DPH6: variants seen among roughly 807,000 people sequenced by gnomAD.
The protein encoded by DPH6 is diphthine--ammonia ligase.
In DPH6, 33 loss-of-function variants were observed where a neutral mutation model predicts 38.2. That is an observed-to-expected ratio of 0.86 (90% CI 0.65 to 1.15). DPH6 has a LOEUF of 1.15. Ranked by LOEUF, DPH6 falls within the 50% of genes most tolerant of loss-of-function variation. The probability of loss-of-function intolerance (pLI) is 0.00; values close to 1 mark genes in which losing one functional copy is unlikely to be tolerated. For synonymous variants in DPH6, 108 were observed against 103.0 expected (o/e 1.05, Z -0.30); for missense variants, 325 against 320.0 (o/e 1.02, Z -0.12).
At position 35,373,619 on chromosome 15, in the gene DPH6, A is replaced by G. The variant is rs200005936; in HGVS notation, c.663-11T>C. ...ACTTCTGATGAATCCCTGAAATACA[A>G]AAATTTTACAATACATTTATATGCT... is the stretch of plus-strand genomic sequence containing the variant. On this transcript the variant is annotated splice_polypyrimidine_tract_variant and intron_variant, in intron 7 of 8. Coordinates refer to ENST00000256538, the MANE Select transcript of DPH6 (RefSeq NM_080650.4). 1.1e-3 allele frequency: 1,731 copies of G among 1,599,744 alleles called. 2 individuals are homozygous for G. The highest frequency in any genetic ancestry group is 1.3e-3 in the Non-Finnish European group (1,575 of 1,173,176).
chr15:35,503,921 A>G (rs1181011908), intron 3 of DPH6, among the ~76,000 whole-genome samples: 2 of 152,122 alleles, frequency 1.3e-5, no homozygotes, highest in African/African-American at 4.8e-5. Context: ...TTCCGCTACG[A>G]AATACTTAAT....
chr15:35,403,681 C>A (rs540717099), intron 6 of DPH6, among the ~76,000 whole-genome samples: 1 of 151,906 alleles, frequency 6.6e-6, no homozygotes, highest in Non-Finnish European at 1.5e-5. Context: ...CTAGTTTTTT[C>A]ATATTTTTTG....
At chr15:35,360,118 A>G (rs1016236660) in intron 3 of DPH6, among the ~76,000 whole-genome samples, 1 of 152,094 alleles carries the variant, frequency 6.6e-6, no homozygotes, top group Non-Finnish European at 1.5e-5. Flanking sequence ...ATGCATCTGA[A>G]AGAGCAAACA....
intron 6 of DPH6, among the ~76,000 whole-genome samples, chr15:35,410,167 T>A (rs1414228042): frequency 6.6e-6 from 1 of 151,804 alleles, no homozygotes; most frequent in African/African-American, 2.4e-5. Flanking sequence ...GGTTCTTTCA[T>A]AGGAGATTTT....
At chr15:35,523,178 ATTATTAT>A (rs2054946441) in intron 3 of DPH6, among the ~76,000 whole-genome samples, 3 of 151,422 alleles carry the variant, frequency 2.0e-5, no homozygotes, top group Non-Finnish European at 4.4e-5. Flanking sequence ...CTTCAAAACC[ATTATTAT>A]TTCTTATTTC....
chr15:35,150,859 A>G, the DPH6 span, among the ~76,000 whole-genome samples: 5 of 152,212 alleles, frequency 3.3e-5, no homozygotes, highest in Non-Finnish European at 5.9e-5. Flanking sequence ...AATTTCCGTT[A>G]ATAATCGAAA....
chr15:35,253,643 C>T (rs562566737), intron 3 of DPH6, among the ~76,000 whole-genome samples: 1 of 152,296 alleles, frequency 6.6e-6, no homozygotes, highest in Admixed American at 6.5e-5. Flanking sequence ...TCTGCTTTCT[C>T]CCATCACTCT....
chr15:35,254,496 C>T (rs1391127763), intron 3 of DPH6, among the ~76,000 whole-genome samples: 2 of 152,106 alleles, frequency 1.3e-5, no homozygotes, highest in Non-Finnish European at 2.9e-5. Context: ...TACTTTCATT[C>T]TGGTTTTAAA....
chr15:35,283,366 G>A (rs765855241), intron 3 of DPH6, among the ~76,000 whole-genome samples: 4 of 151,216 alleles, frequency 2.6e-5, no homozygotes, highest in African/African-American at 4.9e-5. Context: ...GTGCAATTCC[G>A]GCTCACTGCA....
At chr15:35,209,334 T>C in the DPH6 span, among the ~76,000 whole-genome samples, 1 of 152,204 alleles carries the variant, frequency 6.6e-6, no homozygotes, top group Non-Finnish European at 1.5e-5. Flanking sequence ...AACTTAAAAG[T>C]CTTACTTTCT....
At chr15:35,172,836 C>T in the DPH6 span, among the ~76,000 whole-genome samples, 54 of 151,910 alleles carry the variant, frequency 3.6e-4, no homozygotes, top group Middle Eastern at 3.4e-3. Flanking sequence ...GGTCTACAGG[C>T]ATGAACCACC....
intron 3 of DPH6, among the ~76,000 whole-genome samples, chr15:35,262,579 G>A (rs914381444): frequency 4.6e-5 from 7 of 151,788 alleles, no homozygotes; most frequent in African/African-American, 7.3e-5. Context: ...GGTGGCGGGC[G>A]CCTGTAGTCC....
At chr15:35,352,891 C>T (rs2052527662) in intron 3 of DPH6, among the ~76,000 whole-genome samples, 1 of 152,164 alleles carries the variant, frequency 6.6e-6, no homozygotes, top group African/African-American at 2.4e-5. Context: ...GTTTACAGTC[C>T]CACCAACAGT....
chr15:35,193,979 G>C, the DPH6 span, among the ~76,000 whole-genome samples: 1 of 152,070 alleles, frequency 6.6e-6, no homozygotes, highest in African/African-American at 2.4e-5. Context: ...CTCTTATTCT[G>C]ATGTTTAGCT....
intron 1 of DPH6, among the ~76,000 whole-genome samples, chr15:35,543,054 A>G (rs1191866280): frequency 6.9e-6 from 1 of 145,436 alleles, no homozygotes; most frequent in Admixed American, 6.9e-5. Context: ...CACCATAAGA[A>G]ATCTAACAAA....
chr15:35,420,149 G>A (rs764536089), intron 5 of DPH6, among the ~76,000 whole-genome samples: 1 of 152,132 alleles, frequency 6.6e-6, no homozygotes, highest in Admixed American at 6.6e-5. Flanking sequence ...AAATTGAGAA[G>A]TGTGTGAAAA....
chr15:35,392,377 G>T, intron 6 of DPH6, among the ~76,000 whole-genome samples: 1 of 148,968 alleles, frequency 6.7e-6, no homozygotes. Flanking sequence ...TTTTAAATCA[G>T]TCTCACTTAT....
intron 3 of DPH6, among the ~76,000 whole-genome samples, chr15:35,490,830 A>C (rs1195746898): frequency 2.6e-5 from 4 of 152,078 alleles, no homozygotes; most frequent in Non-Finnish European, 5.9e-5. Context: ...AATATCACAG[A>C]CTGGGTGATT....
intron 3 of DPH6, among the ~76,000 whole-genome samples, chr15:35,235,603 C>A (rs1481823837): frequency 6.6e-6 from 1 of 152,220 alleles, no homozygotes; most frequent in African/African-American, 2.4e-5. Context: ...GATTGCACTG[C>A]AGTTTCAGGC....
Sources: gnomAD v4.1 joint callset for allele counts (sites outside exome capture counted in the v4.1 genomes callset) on GRCh38, gnomAD v4.1.1 for gene constraint, MANE v1.5 for transcripts, NCBI Gene and HGNC (gene_info 2026-07-23, HGNC 2026-07-21) for gene names.